CCDC91: variants seen among roughly 807,000 people sequenced by gnomAD.
The protein encoded by CCDC91 is coiled-coil domain-containing protein 91.
In CCDC91, 48 loss-of-function variants were observed where a neutral mutation model predicts 63.2. The ratio of observed to expected loss-of-function variants is 0.76; its 90% confidence interval spans 0.60 to 0.97. CCDC91 has a LOEUF of 0.97. Ranked by LOEUF, CCDC91 falls within the 50% of genes least tolerant of loss-of-function variation. CCDC91 has a pLI of 0.00. For missense variants in CCDC91, 500 were observed against 494.6 expected (o/e 1.01, Z -0.10); for synonymous variants, 167 against 165.8 (o/e 1.01, Z -0.06).
intron 10 of CCDC91, among the ~76,000 whole-genome samples, chr12:28,450,870 A>G (rs771209689): frequency 4.0e-5 from 6 of 151,768 alleles, no homozygotes; most frequent in Non-Finnish European, 7.4e-5. Context: ...TAAATTTAGC[A>G]AACAAATATT....
chr12:28,379,727 A>G (rs1209998484), intron 7 of CCDC91, among the ~76,000 whole-genome samples: 1 of 152,208 alleles, frequency 6.6e-6, no homozygotes, highest in East Asian at 1.9e-4. Context: ...TAGTTCAACC[A>G]TTGTGGAAGA....
At chr12:28,335,511 G>T (rs1198178510) in intron 6 of CCDC91, among the ~76,000 whole-genome samples, 2 of 150,500 alleles carry the variant, frequency 1.3e-5, no homozygotes, top group African/African-American at 4.9e-5. Flanking sequence ...AGGCCCAAGC[G>T]ATCCTCCTAC....
chr12:28,290,788 T>G (rs1328574011), intron 3 of CCDC91, among the ~76,000 whole-genome samples: 1 of 149,204 alleles, frequency 6.7e-6, no homozygotes, highest in African/African-American at 2.5e-5. Flanking sequence ...ATATTTACCT[T>G]AAAGATTAGT....
intron 12 of CCDC91, among the ~76,000 whole-genome samples, chr12:28,515,550 G>A (rs1534340): frequency 0.23 from 34,549 of 151,634 alleles, 4,844 homozygotes; most frequent in Non-Finnish European, 0.32. Context: ...TTAAACTTAA[G>A]AAAAGAAAAC....
chr12:28,230,863 G>T (rs1274593288), intron 1 of CCDC91, among the ~76,000 whole-genome samples: 3 of 152,138 alleles, frequency 2.0e-5, no homozygotes, highest in Non-Finnish European at 4.4e-5. Context: ...GGACTCAAGT[G>T]ATCTGCCTGC....
chr12:28,254,662 A>G (rs1468105518), intron 1 of CCDC91, among the ~76,000 whole-genome samples: 2 of 151,970 alleles, frequency 1.3e-5, no homozygotes, highest in Non-Finnish European at 2.9e-5. Context: ...CAGAAAGATT[A>G]TTGCTTTAAA....
At chr12:28,255,046 G>A (rs1160255018) in intron 1 of CCDC91, among the ~76,000 whole-genome samples, 1 of 152,104 alleles carries the variant, frequency 6.6e-6, no homozygotes, top group Admixed American at 6.5e-5. Flanking sequence ...AAAGTGCTGG[G>A]ATTACAGGCG....
At chr12:28,248,867 A>T (rs1299129637) in intron 1 of CCDC91, among the ~76,000 whole-genome samples, 1 of 152,222 alleles carries the variant, frequency 6.6e-6, no homozygotes, top group Non-Finnish European at 1.5e-5. Flanking sequence ...TGAATAGTTA[A>T]GAGGAAACAA....
At chr12:28,363,276 T>C (rs1455743211) in intron 7 of CCDC91, among the ~76,000 whole-genome samples, 1 of 152,120 alleles carries the variant, frequency 6.6e-6, no homozygotes, top group Non-Finnish European at 1.5e-5. Flanking sequence ...TTAAAAAAAA[T>C]GTTATCTTAC....
intron 12 of CCDC91, among the ~76,000 whole-genome samples, chr12:28,516,436 C>T (rs1159680546): frequency 1.3e-5 from 2 of 151,696 alleles, no homozygotes; most frequent in Non-Finnish European, 2.9e-5. Flanking sequence ...AACCACATCT[C>T]TACAAAAAAT....
At chr12:28,467,005 G>A (rs1411605602) in intron 11 of CCDC91, among the ~76,000 whole-genome samples, 5 of 152,068 alleles carry the variant, frequency 3.3e-5, no homozygotes, top group Non-Finnish European at 7.4e-5. Flanking sequence ...TTGCTTATTT[G>A]TGCAAACAAT....
At chr12:28,220,028 T>C (rs1943832229) in intron 1 of CCDC91, among the ~76,000 whole-genome samples, 1 of 152,152 alleles carries the variant, frequency 6.6e-6, no homozygotes, top group African/African-American at 2.4e-5. Flanking sequence ...TGGCATACAG[T>C]TGGGTCTTGC....
intron 6 of CCDC91, among the ~76,000 whole-genome samples, chr12:28,317,099 CTTTTA>C (rs1939971526): frequency 2.6e-5 from 4 of 151,930 alleles, no homozygotes; most frequent in Non-Finnish European, 5.9e-5. Context: ...TGTCCTGTTA[CTTTTA>C]CCTTTTTTCC....
intron 12 of CCDC91, among the ~76,000 whole-genome samples, chr12:28,538,050 CTTTTTCTTT>C (rs200451002): frequency 0.02 from 2,890 of 147,618 alleles, 74 homozygotes; most frequent in East Asian, 0.062. Flanking sequence ...GTTTAGTGTT[CTTTTTCTTT>C]TTTTTCTTTT....
At chr12:28,363,463 T>A (rs1944036648) in intron 7 of CCDC91, among the ~76,000 whole-genome samples, 1 of 152,174 alleles carries the variant, frequency 6.6e-6, no homozygotes, top group South Asian at 2.1e-4. Flanking sequence ...TTCATTATAA[T>A]AATAAATATA....
intron 12 of CCDC91, among the ~76,000 whole-genome samples, chr12:28,520,937 G>A (rs1225773597): frequency 6.6e-6 from 1 of 152,114 alleles, no homozygotes; most frequent in Non-Finnish European, 1.5e-5. Flanking sequence ...CTATATCTCT[G>A]TTTTGGTACC....
chr12:28,502,128 T>C (rs1197050672), intron 12 of CCDC91, among the ~76,000 whole-genome samples: 5 of 151,964 alleles, frequency 3.3e-5, no homozygotes, highest in African/African-American at 1.2e-4. Context: ...TAGCGGTCTA[T>C]CAATTCTGTT....
chr12:28,226,390 C>G (rs1944276197), intron 1 of CCDC91, among the ~76,000 whole-genome samples: 1 of 152,136 alleles, frequency 6.6e-6, no homozygotes, highest in African/African-American at 2.4e-5. Flanking sequence ...GTTCCTTATC[C>G]TCTTTGACCT....
intron 12 of CCDC91, among the ~76,000 whole-genome samples, chr12:28,510,632 G>T (rs964230770): frequency 6.6e-6 from 1 of 151,658 alleles, no homozygotes; most frequent in East Asian, 2.0e-4. Context: ...TTACAGACAC[G>T]CCCAGAATAA....
Sources: allele counts gnomAD v4.1 joint callset (sites outside exome capture counted in the v4.1 genomes callset), GRCh38; gene constraint gnomAD v4.1.1; transcripts MANE v1.5; gene names NCBI Gene and HGNC (gene_info 2026-07-23, HGNC 2026-07-21).